The following PHF3 variants were observed in gnomAD, a reference collection of about 807,000 sequenced individuals.
The protein encoded by PHF3 is PHD finger protein 3.
In PHF3, 41 loss-of-function variants were observed where a neutral mutation model predicts 178.4. The ratio of observed to expected loss-of-function variants is 0.23; its 90% CI spans 0.18 to 0.30. The LOEUF (loss-of-function observed/expected upper bound fraction) is 0.30, where lower values mean the gene tolerates loss of function less well. Ranked by LOEUF, PHF3 falls within the 10% of genes least tolerant of loss-of-function variation. The pLI, the probability that PHF3 is intolerant of heterozygous loss-of-function variation, is 1.00. For missense variants in PHF3, 2,346 were observed against 2,398.1 expected, an observed-to-expected ratio of 0.98 and a Z score of 0.45; for synonymous variants, 842 against 800.5, an observed-to-expected ratio of 1.05 and a Z score of -0.88.
At chr6:63,705,739 T>C (rs1767661644) in intron 11 of PHF3, among the ~76,000 whole-genome samples, 1 of 152,236 alleles carries the variant, frequency 6.6e-6, no homozygotes, top group Non-Finnish European at 1.5e-5. Context: ...GAAATTAACT[T>C]TATTACAGGT....
chr6:63,694,715 G>A lies in PHF3; in HGVS notation c.2631G>A (p.Pro877=), dbSNP rs149864298. 91 of 1,597,598 alleles carry A rather than the reference G, an allele frequency of 5.7e-5. No homozygotes were observed. Among genetic ancestry groups the A allele is most frequent in the Non-Finnish European group, 7.2e-5 (84 of 1,171,766 alleles). ...CAGAAGAAAAAAGTGAAAAAATACC[G>A]AAAGAGTCTACAACTGTTACTTGCA... is the stretch of plus-strand genomic sequence containing the variant. ...RSSEEKSEKI[P]KESTTVTCTG... Residue 877 remains proline, a synonymous_variant, in exon 6 of 16, where the codon CCG becomes CCA. Transcript: ENST00000262043.
At chr6:63,690,927 T>G (rs1382215698) in intron 4 of PHF3, among the ~76,000 whole-genome samples, 1 of 152,176 alleles carries the variant, frequency 6.6e-6, no homozygotes, top group Non-Finnish European at 1.5e-5. Flanking sequence ...TATTGGTTAG[T>G]GAAGTTATTA....
At chr6:63,711,554 A>G (rs760477649) in intron 15 of PHF3, 32 bp from the exon 16 acceptor site, 3 of 1,516,614 alleles carry the variant, frequency 2.0e-6, no homozygotes, top group East Asian at 2.3e-5. Context: ...ATTGAAAATG[A>G]TGAATTAATT....
chr6:63,667,601 C>T (rs1398385660), intron 2 of PHF3, among the ~76,000 whole-genome samples: 1 of 152,176 alleles, frequency 6.6e-6, no homozygotes, highest in East Asian at 1.9e-4. Flanking sequence ...TGTCCATGTT[C>T]AAATTAGTCA....
chr6:63,652,658 A>T (rs978053718), intron 2 of PHF3, among the ~76,000 whole-genome samples: 1 of 152,094 alleles, frequency 6.6e-6, no homozygotes, highest in Non-Finnish European at 1.5e-5. Context: ...GTAGTTTCTT[A>T]GTTTTGGATC....
Position 63,711,987 on chromosome 6 carries a change from G to C in PHF3, c.4399G>C (p.Asp1467His), listed in dbSNP as rs780630290. 1 of 1,613,722 alleles carries C rather than the reference G, an allele frequency of 6.2e-7. No individual in the cohort carries two copies. The highest frequency in any genetic ancestry group is 8.5e-7 in the Non-Finnish European group (1 of 1,179,892). ...LELANKPLPVDDILQSLLGTT... is the reference protein window; with the variant it reads ...LELANKPLPVHDILQSLLGTT... Reference sequence around the variant, plus strand: ...ATTAGCAAATAAACCTCTTCCTGTGGATGATATACTTCAAAGCCTTTTGGG... The same window carrying C: ...ATTAGCAAATAAACCTCTTCCTGTGCATGATATACTTCAAAGCCTTTTGGG... Residue 1467 changes from aspartate (D) to histidine (H), a missense_variant, in exon 16 of 16, where the codon GAT becomes CAT. Transcript: ENST00000262043.
rs1768344983 is a variant in PHF3 at position 63,720,738 on chromosome 6, A to T, written c.*7030A>T. ...GGTTTTAAAAATCTCTTGAGTAACGATATTTACCTTTCTACCATATTCAAA... is the reference window on the plus strand; with the variant it reads ...GGTTTTAAAAATCTCTTGAGTAACGTTATTTACCTTTCTACCATATTCAAA... On this transcript the variant is annotated 3_prime_UTR_variant, in exon 16 of 16. Transcript: ENST00000262043. The T allele has an allele frequency of 1.9e-6, 3 of 1,549,692 alleles. No homozygotes were observed. Among genetic ancestry groups the T allele is most frequent in the Non-Finnish European group, 2.6e-6 (3 of 1,146,210 alleles).
chr6:63,712,597 G>T lies in PHF3; in HGVS notation c.5009G>T (p.Gly1670Val). ...GTAACTACTTCAGAAAGCAAAGATG[G>T]AGATAGTTGCCGGAATGGAGAAAAA... is the stretch of plus-strand genomic sequence containing the variant. ...QPVTTSESKD[G>V]DSCRNGEKHM... Residue 1670 changes from glycine (G) to valine (V), a missense_variant, in exon 16 of 16, where the codon GGA (glycine) becomes GTA (valine). This residue lies in a region of PHF3 where 839 missense variants were observed against 806.9 expected (regional missense o/e 1.04). Transcript: ENST00000262043. The T allele has an allele frequency of 1.2e-6, 2 of 1,613,904 alleles. No homozygotes were observed. The highest frequency in any genetic ancestry group is 1.7e-6 in the Non-Finnish European group (2 of 1,179,930).
chr6:63,664,975 T>C (rs530011549), intron 2 of PHF3, among the ~76,000 whole-genome samples: 4 of 152,132 alleles, frequency 2.6e-5, no homozygotes, highest in Non-Finnish European at 5.9e-5. Flanking sequence ...AGTGTGCTTG[T>C]TTTTTAAAAC....
chr6:63,650,258 A>G (rs1764967143), intron 2 of PHF3, among the ~76,000 whole-genome samples: 1 of 152,218 alleles, frequency 6.6e-6, no homozygotes, highest in Non-Finnish European at 1.5e-5. Flanking sequence ...AGTGAAACCA[A>G]GATGTCCTTT....
At position 63,711,208 on chromosome 6, in the gene PHF3, T is replaced by C. The variant is rs1767912772; in HGVS notation, c.3843T>C (p.Asp1281=). The change falls in exon 15 of 16, where the codon GAT becomes GAC. Residue 1281 remains aspartate, a synonymous_variant. Transcript: ENST00000262043. ...VVRFTPVTEE[D]QISYTLLFAY... is the part of the protein sequence containing the mutation. ...GCTTCACACCAGTAACTGAAGAAGA[T>C]CAAATTTCTTATACTTTGCTCTTTG... 6.2e-7 allele frequency: 1 copy of C among 1,609,560 alleles called. No individual in the cohort carries two copies. Among genetic ancestry groups the C allele is most frequent in the African/African-American group, 1.3e-5 (1 of 74,652 alleles).
At position 63,698,257 on chromosome 6, in the gene PHF3, A is replaced by T; in HGVS notation, c.2715A>T (p.Lys905Asn). Residue 905 changes from lysine (K) to asparagine (N), a missense_variant, in exon 7 of 16, where the codon AAA becomes AAT. By Grantham distance (94) the Lys-to-Asn change is moderately conservative. Coordinates refer to ENST00000262043, the MANE Select transcript of PHF3 (RefSeq NM_001370348.2). The part of the protein sequence containing the change: ...THEKQEMKKK[K>N]VEKGVLNVHP... ...AGAAGCAAGAGATGAAAAAGAAGAA[A>T]GTTGAAAAAGGAGTGCTTAATGTAC... 1 of 1,612,080 alleles carries T rather than the reference A, an allele frequency of 6.2e-7. No homozygotes were observed. The highest frequency in any genetic ancestry group is 8.5e-7 in the Non-Finnish European group (1 of 1,178,722).
In PHF3 at chr6:63,706,861, A is replaced by G; in HGVS notation, c.3696A>G (p.Pro1232=). The change falls in exon 13 of 16, where the codon CCA becomes CCG. Residue 1232 remains proline, a synonymous_variant. Coordinates refer to ENST00000262043, the MANE Select transcript of PHF3 (RefSeq NM_001370348.2). ...VTKAYPVSGS[P]EYLTEDLPDS... ...AAGCCTATCCAGTATCTGGCTCCCC[A>G]GAATACCTGACAGAGGTACTGTGAA... 6.2e-7 allele frequency: 1 copy of G among 1,613,974 alleles called. No homozygotes were observed. Among genetic ancestry groups the G allele is most frequent in the South Asian group, 1.1e-5 (1 of 91,054 alleles).
intron 2 of PHF3, among the ~76,000 whole-genome samples, chr6:63,663,364 G>A (rs1161689850): frequency 1.3e-5 from 2 of 151,986 alleles, no homozygotes; most frequent in South Asian, 2.1e-4. Context: ...TTCTGTACCC[G>A]CCAGCTACAG....
chr6:63,686,474 C>T (rs889469978), intron 4 of PHF3: 5 of 151,942 alleles, frequency 3.3e-5, no homozygotes, highest in East Asian at 3.9e-4. Flanking sequence ...GAGTGAAAAA[C>T]GTATTTCTTT....
chr6:63,681,641 T>G (rs371210244), intron 3 of PHF3, among the ~76,000 whole-genome samples: 1 of 152,144 alleles, frequency 6.6e-6, no homozygotes, highest in African/African-American at 2.4e-5. Context: ...TATTCATGTT[T>G]CATGGATGTA....
At chr6:63,677,721 T>A (rs868250634) in intron 2 of PHF3, among the ~76,000 whole-genome samples, 1 of 152,062 alleles carries the variant, frequency 6.6e-6, no homozygotes, top group Non-Finnish European at 1.5e-5. Flanking sequence ...AGAGAAAGTA[T>A]AATGAAGGTT....
intron 2 of PHF3, chr6:63,678,827 G>A (rs1009598689): frequency 2.2e-6 from 1 of 452,298 alleles, no homozygotes; most frequent in Non-Finnish European, 4.4e-6. Context: ...TTAAATTTTA[G>A]GATAGACCAC....
intron 5 of PHF3, among the ~76,000 whole-genome samples, 179 bp downstream of exon 5, chr6:63,692,222 G>T (rs1767039387): frequency 6.6e-6 from 1 of 152,150 alleles, no homozygotes; most frequent in Non-Finnish European, 1.5e-5. Flanking sequence ...GGTGAAATCA[G>T]ATGGTGACTT....
Sources: allele counts gnomAD v4.1 joint callset (sites outside exome capture counted in the v4.1 genomes callset), GRCh38; gene constraint gnomAD v4.1.1; regional missense constraint gnomAD v4.1.1; transcripts MANE v1.5; gene names NCBI Gene and HGNC (gene_info 2026-07-23, HGNC 2026-07-21).